The following PLXNB1 variants were observed in gnomAD, a reference collection of about 807,000 sequenced individuals.
PLXNB1 encodes the protein plexin B1.
PLXNB1 carries 106 observed loss-of-function variants against 209.4 expected under a neutral mutation model. The observed-to-expected ratio is 0.51, with a 90% CI of 0.43 to 0.59. The LOEUF is 0.59. Ranked by LOEUF, PLXNB1 falls within the 20% of genes least tolerant of loss-of-function variation. The pLI is 0.00. For synonymous variants in PLXNB1, 1,167 were observed against 1,183.2 expected (o/e 0.99, Z 0.28); for missense variants, 2,357 against 2,853.2 (o/e 0.83, Z 3.96).
chr3:48,429,106 C>G lies in PLXNB1; in HGVS notation c.-60+902G>C, dbSNP rs952504546. 4 of 152,246 alleles carry G rather than the reference C, an allele frequency of 2.6e-5. No homozygotes were observed. The highest frequency in any genetic ancestry group is 4.4e-5 in the Non-Finnish European group (3 of 68,058). 9.4% of individuals were successfully genotyped at this position (152,246 alleles called of 1,614,324 possible). A position where few individuals can be genotyped will look rare whatever the true frequency, so the allele number is the denominator to read the frequency against. On this transcript the variant is annotated intron_variant, in intron 1 of 37. Coordinates refer to ENST00000296440, the MANE Select transcript of PLXNB1 (RefSeq NM_001130082.3). The surrounding 1 kb of genome is among the most constrained non-coding windows in gnomAD (Gnocchi z 6.4). ...AGGCGGAGTCGCCAGAGTTTCCCTT[C>G]GCGCGGAGAAGTGTGGTCCCAACTC...
In PLXNB1 at chr3:48,419,112, G is replaced by T. The variant is rs1272949488; in HGVS notation, c.2833-73C>A. On this transcript the variant is annotated intron_variant, in intron 12 of 37. Transcript: ENST00000296440. This position sits in a 1 kb window ranked among gnomAD's most constrained non-coding sequence, Gnocchi z 5.7. The stretch of plus-strand genomic sequence containing the variant: ...AGGGAGTCCTGCAGGTCACCCAACA[G>T]ATCCCCCAGCACAGCTTCTGGGTTG... The T allele has an allele frequency of 6.3e-7, 1 of 1,593,308 alleles. No individual in the cohort carries two copies. The highest frequency in any genetic ancestry group is 1.3e-5 in the African/African-American group (1 of 74,626).
Position 48,415,420 on chromosome 3 carries a change from G to C in PLXNB1, c.3795-73C>G. 6.6e-7 allele frequency: 1 copy of C among 1,518,270 alleles called. No individual in the cohort carries two copies. Among genetic ancestry groups the C allele is most frequent in the Non-Finnish European group, 9.0e-7 (1 of 1,115,678 alleles). 94.0% of individuals were successfully genotyped at this position (1,518,270 alleles called of 1,614,324 possible). A position where few individuals can be genotyped will look rare whatever the true frequency, so the allele number is the denominator to read the frequency against. ...TGGACCTAAAGCACAGCCCAGTCCC[G>C]GCTAGGTCAGCTCAGCCCCAGCCCC... On this transcript the variant is annotated intron_variant, in intron 19 of 37. Coordinates refer to ENST00000296440, the MANE Select transcript of PLXNB1 (RefSeq NM_001130082.3). The surrounding 1 kb of genome is among the most constrained non-coding windows in gnomAD (Gnocchi z 5.0).
At chr3:48,430,268 G>A (rs1025665683), upstream of PLXNB1, among the ~76,000 whole-genome samples, 1 of 152,200 alleles carries the variant, frequency 6.6e-6, no homozygotes, top group Non-Finnish European at 1.5e-5. Flanking sequence ...TGAAGGCAGG[G>A]AACCTGGGCT....
In PLXNB1 at chr3:48,413,152, G is replaced by A. The variant is rs2037813890; in HGVS notation, c.4553C>T (p.Ala1518Val). The change falls in exon 24 of 38, where the codon GCC becomes GTC. Residue 1518 changes from alanine to valine, a missense_variant. Ala to Val is a moderately conservative substitution (Grantham distance 64). This residue lies in a region of PLXNB1 where 743 missense variants were observed against 896.2 expected (regional missense o/e 0.83). Transcript: ENST00000296440. The surrounding 1 kb of genome is among the most constrained non-coding windows in gnomAD (Gnocchi z 5.4). ...CTGAACCTTCTTATAGTCCCTCAGG[G>A]CCTGCTTGCTCTTCCTCCTGCTCAG... is the stretch of plus-strand genomic sequence containing the variant. ...VLMYRRKSKQ[A>V]LRDYKKVQIQ... 3.1e-6 allele frequency: 5 copies of A among 1,612,412 alleles called. No homozygotes were observed. In the African/African-American group the frequency reaches 6.7e-5, roughly 22 times the overall value.
Position 48,418,334 on chromosome 3 carries a change from C to T in PLXNB1, c.3079G>A (p.Gly1027Arg). Residue 1027 changes from glycine to arginine, a missense_variant, in exon 15 of 38, where the codon GGA (glycine) becomes AGA (arginine). This residue lies in a region of PLXNB1 where 743 missense variants were observed against 896.2 expected (regional missense o/e 0.83). Coordinates refer to ENST00000296440, the MANE Select transcript of PLXNB1 (RefSeq NM_001130082.3). This position sits in a 1 kb window ranked among gnomAD's most constrained non-coding sequence, Gnocchi z 6.6. ...VVLYDCSVGHGDCSRCQTAMP... is the reference protein window; with the variant it reads ...VVLYDCSVGHRDCSRCQTAMP... ...GCAGTTTGGCAGCGGCTGCAGTCTC[C>T]ATGTCCCACGGAACAGTCATACAGT... 1 of 1,613,718 alleles carries T rather than the reference C, an allele frequency of 6.2e-7. No homozygotes were observed. Among genetic ancestry groups the T allele is most frequent in the Non-Finnish European group, 8.5e-7 (1 of 1,180,038 alleles).
At chr3:48,420,358 A>G in intron 10 of PLXNB1, 101 bp from the exon 11 acceptor site, 1 of 701,120 alleles carries the variant, frequency 1.4e-6, no homozygotes, top group Non-Finnish European at 2.3e-6. Context: ...AAGGAGACCA[A>G]GGAAAAGAGA....
At chr3:48,421,049 C>G in intron 8 of PLXNB1, 93 bp from the exon 9 acceptor site, 1 of 1,317,340 alleles carries the variant, frequency 7.6e-7, no homozygotes, top group Non-Finnish European at 1.1e-6. Context: ...GGGAAGAGGA[C>G]CCGGGATGAG....
At position 48,424,898 on chromosome 3, in the gene PLXNB1, C is replaced by T. The variant is rs535675521; in HGVS notation, c.-6-281G>A. Among the ~76,000 whole-genome samples the T allele has an allele frequency of 4.6e-5, 7 of 152,272 alleles. No homozygotes were observed. The South Asian group carries it at 1.4e-3, about 32-fold the overall frequency. On this transcript the variant is annotated intron_variant, in intron 2 of 37. Coordinates refer to ENST00000296440, the MANE Select transcript of PLXNB1 (RefSeq NM_001130082.3). The stretch of plus-strand genomic sequence containing the variant: ...ACCTGCACCCCACTCACCATCCCCC[C>T]AGATCAGAGGGTGAGGGGCTGAGAG...
chr3:48,420,779 C>G lies in PLXNB1; in HGVS notation c.1920-6G>C, dbSNP rs567576960. On this transcript the variant is annotated splice_polypyrimidine_tract_variant and splice_region_variant and intron_variant, in intron 9 of 37. Coordinates refer to ENST00000296440, the MANE Select transcript of PLXNB1 (RefSeq NM_001130082.3). The stretch of plus-strand genomic sequence containing the variant: ...TGCTCACACAGGCCTGGCACCTGCA[C>G]AGAGCACAGCCATGGGGCAAGGGTC... 1 of 1,613,822 alleles carries G rather than the reference C, an allele frequency of 6.2e-7. No homozygotes were observed. The highest frequency in any genetic ancestry group is 1.7e-5 in the Admixed American group (1 of 60,014).
chr3:48,410,931 G>T lies in PLXNB1; in HGVS notation c.5353C>A (p.Leu1785Met). ...DTISQAKEKMLDQLYKGVPLT... is the reference protein window; with the variant it reads ...DTISQAKEKMMDQLYKGVPLT... ...GGCACTCCTTTATAAAGCTGGTCCA[G>T]CATCTTCTCCTTTGCCTGGGAGATG... The change falls in exon 29 of 38, where the codon CTG becomes ATG. Residue 1785 changes from leucine to methionine, a missense_variant. Transcript: ENST00000296440. The surrounding 1 kb of genome is among the most constrained non-coding windows in gnomAD (Gnocchi z 6.4). 1 of 1,613,748 alleles carries T rather than the reference G, an allele frequency of 6.2e-7. No homozygotes were observed. The highest frequency in any genetic ancestry group is 8.5e-7 in the Non-Finnish European group (1 of 1,179,850).
chr3:48,423,707 G>A lies in PLXNB1; in HGVS notation c.905C>T (p.Pro302Leu). 1 of 1,613,766 alleles carries A rather than the reference G, an allele frequency of 6.2e-7. No individual in the cohort carries two copies. Residue 302 changes from proline to leucine, a missense_variant, in exon 3 of 38, where the codon CCC (proline) becomes CTC (leucine). Coordinates refer to ENST00000296440, the MANE Select transcript of PLXNB1 (RefSeq NM_001130082.3). ...CGATGGGGGCCGGCCCACAGTGGGG[G>A]GTGCAGCCGAGGAGAAAGCTGCAAA... is the stretch of plus-strand genomic sequence containing the variant. Reference protein sequence around the residue: ...VLFAAFSSAAPPTVGRPPSAA... With the variant: ...VLFAAFSSAALPTVGRPPSAA...
Position 48,412,574 on chromosome 3 carries a change from C to A in PLXNB1, c.4901G>T (p.Arg1634Leu). Residue 1634 changes from arginine (R) to leucine (L), a missense_variant, in exon 26 of 38, where the codon CGT becomes CTT. Arg to Leu is a moderately radical substitution (Grantham distance 102). Around this residue, in one of 7 missense-constraint regions of PLXNB1, gnomAD observed 743 missense variants for 896.2 expected, o/e 0.83. Coordinates refer to ENST00000296440, the MANE Select transcript of PLXNB1 (RefSeq NM_001130082.3). Reference sequence around the variant, plus strand: ...GGTGAGCAGAGATGCCACGTAGGCACGGTCCCGAGCTGAAAAGGTGCGCTG... The same window carrying A: ...GGTGAGCAGAGATGCCACGTAGGCAAGGTCCCGAGCTGAAAAGGTGCGCTG... ...ESQRTFSARD[R>L]AYVASLLTVA... is the part of the protein sequence containing the mutation. 2 of 1,613,588 alleles carry A rather than the reference C, an allele frequency of 1.2e-6. No homozygotes were observed. The highest frequency in any genetic ancestry group is 2.2e-5 in the East Asian group (1 of 44,876).
At chr3:48,427,748 C>T (rs2038969064) in intron 1 of PLXNB1, among the ~76,000 whole-genome samples, 1 of 152,186 alleles carries the variant, frequency 6.6e-6, no homozygotes, top group Non-Finnish European at 1.5e-5. Flanking sequence ...CTCGCTATCC[C>T]ATTAACTCCT....
At position 48,429,643 on chromosome 3, in the gene PLXNB1, G is replaced by A. The variant is rs2039089620; in HGVS notation, c.-60+365C>T. Among the ~76,000 whole-genome samples the A allele has an allele frequency of 6.6e-6, 1 of 151,934 alleles. No individual in the cohort carries two copies. The highest frequency in any genetic ancestry group is 6.6e-5 in the Admixed American group (1 of 15,256). ...GGGGACCCGACCCCTCCCGCACGGG[G>A]GAGGGCGGGGGCGGGCTGCACCGCG... On this transcript the variant is annotated intron_variant, in intron 1 of 37. Coordinates refer to ENST00000296440, the MANE Select transcript of PLXNB1 (RefSeq NM_001130082.3). The surrounding 1 kb of genome is among the most constrained non-coding windows in gnomAD (Gnocchi z 6.4).
rs1332134483 is a variant in PLXNB1, at chr3:48,413,954, G to C, written c.4327C>G (p.Gln1443Glu). 6.2e-7 allele frequency: 1 copy of C among 1,613,354 alleles called. No homozygotes were observed. Among genetic ancestry groups the C allele is most frequent in the South Asian group, 1.1e-5 (1 of 91,060 alleles). Residue 1443 changes from glutamine (Q) to glutamate (E), a missense_variant, in exon 22 of 38, where the codon CAG becomes GAG. Physicochemically the swap from Gln to Glu is conservative, Grantham distance 29. This residue lies in a region of PLXNB1 where 743 missense variants were observed against 896.2 expected (regional missense o/e 0.83). Coordinates refer to ENST00000296440, the MANE Select transcript of PLXNB1 (RefSeq NM_001130082.3). The surrounding 1 kb of genome is among the most constrained non-coding windows in gnomAD (Gnocchi z 5.4). Reference sequence around the variant, plus strand: ...AGGGCATGGTGCCGTGGCAGGGGCTGCTCCACGGGGGGCTCGCAGTACAGG... The same window carrying C: ...AGGGCATGGTGCCGTGGCAGGGGCTCCTCCACGGGGGGCTCGCAGTACAGG... ...HHLYCEPPVEQPLPRHHALRE... is the reference protein window; with the variant it reads ...HHLYCEPPVEEPLPRHHALRE...
In PLXNB1 at chr3:48,415,958, C is replaced by A; in HGVS notation, c.3617+73G>T. On this transcript the variant is annotated intron_variant, in intron 18 of 37. Transcript: ENST00000296440. This position sits in a 1 kb window ranked among gnomAD's most constrained non-coding sequence, Gnocchi z 5.0. ...TGGCCCTCTTCCCCTTTCTGCTCTC[C>A]CCAGGATCTCAGACCCCTCCATCTT... is the stretch of plus-strand genomic sequence containing the variant. 6.6e-7 allele frequency: 1 copy of A among 1,516,048 alleles called. No homozygotes were observed. Among genetic ancestry groups the A allele is most frequent in the African/African-American group, 1.4e-5 (1 of 72,832 alleles). The allele number at this position is 1,516,048 out of a possible 1,614,324, so 93.9% of individuals were successfully genotyped here.
At chr3:48,421,032 T>C (rs543822489) in intron 8 of PLXNB1, 76 bp from the exon 9 acceptor site, 117 of 1,375,428 alleles carry the variant, frequency 8.5e-5, no homozygotes, top group African/African-American at 1.1e-4. Flanking sequence ...TCCTGAGCCC[T>C]TGAATGGGGA....
At position 48,412,825 on chromosome 3, in the gene PLXNB1, C is replaced by T. The variant is rs755426926; in HGVS notation, c.4771G>A (p.Val1591Met). ...RESPLHRDLGVPESRRPTVEQ... is the reference protein window; with the variant it reads ...RESPLHRDLGMPESRRPTVEQ... ...ACAGTGGGCCGTCTGCTCTCAGGCA[C>T]ACCCAGGTCCCGGTGCAAGGGCGAC... The change falls in exon 25 of 38, where the codon GTG becomes ATG. Residue 1591 changes from valine (V) to methionine (M), a missense_variant. By Grantham distance (21) the Val-to-Met change is conservative (BLOSUM62 1). Coordinates refer to ENST00000296440, the MANE Select transcript of PLXNB1 (RefSeq NM_001130082.3). 5.7e-5 allele frequency: 92 copies of T among 1,613,654 alleles called. No individual in the cohort carries two copies. The highest frequency in any genetic ancestry group is 7.5e-5 in the Non-Finnish European group (89 of 1,180,036).
chr3:48,418,422 C>A lies in PLXNB1; in HGVS notation c.3049+27G>T, dbSNP rs2038244600. ...CCTGGGAGAGCCCTGCTACCACCGC[C>A]AGCCCAGCAGCCCGCAGGTGGCTCA... On this transcript the variant is annotated intron_variant, in intron 14 of 37. Transcript: ENST00000296440. The surrounding 1 kb of genome is among the most constrained non-coding windows in gnomAD (Gnocchi z 6.6). The A allele has an allele frequency of 1.2e-6, 2 of 1,613,008 alleles. No individual in the cohort carries two copies. Among genetic ancestry groups the A allele is most frequent in the African/African-American group, 2.7e-5 (2 of 74,900 alleles).
Sources: allele counts gnomAD v4.1 joint callset (sites outside exome capture counted in the v4.1 genomes callset), GRCh38; gene constraint gnomAD v4.1.1; regional missense constraint gnomAD v4.1.1; non-coding constraint Gnocchi (gnomAD v3.1); transcripts MANE v1.5; gene names NCBI Gene and HGNC (gene_info 2026-07-23, HGNC 2026-07-21).